Variants in AHRR observed in about 807,000 individuals in gnomAD.
AHRR encodes the protein ahR repressor.
AHRR carries 28 observed loss-of-function variants against 44.0 expected under a neutral mutation model. The observed-to-expected ratio is 0.64, with a 90% confidence interval of 0.47 to 0.87. The LOEUF (loss-of-function observed/expected upper bound fraction) is 0.87. Among genes scored for constraint, AHRR ranks in the 40% least tolerant of loss-of-function variants. AHRR has a pLI of 0.00. For synonymous variants in AHRR, 434 were observed against 407.0 expected, an observed-to-expected ratio of 1.07 and a Z score of -0.80; for missense variants, 990 against 953.9, an observed-to-expected ratio of 1.04 and a Z score of -0.50.
Position 411,514 on chromosome 5 carries a change from A to G in AHRR, c.352-1830A>G, listed in dbSNP as rs1735466659. On this transcript the variant is annotated intron_variant, in intron 4 of 10. Transcript: ENST00000684583. The surrounding 1 kb of genome is among the most constrained non-coding windows in gnomAD (Gnocchi z 4.2). ...GATACTTATAAACCCTAATAGAAAA[A>G]TTAGCACATGACATACATAGGGCAG... Among the ~76,000 whole-genome samples, 1 of 152,164 alleles carries G rather than the reference A, an allele frequency of 6.6e-6. No individual in the cohort carries two copies. The highest frequency in any genetic ancestry group is 2.1e-4 in the South Asian group (1 of 4,834).
At chr5:394,217 C>T (rs1734605116) in intron 4 of AHRR, among the ~76,000 whole-genome samples, 1 of 152,222 alleles carries the variant, frequency 6.6e-6, no homozygotes, top group African/African-American at 2.4e-5. Flanking sequence ...AGCTGCATTC[C>T]TGCTGGCGAA....
chr5:328,632 G>T (rs989856248), intron 1 of AHRR, among the ~76,000 whole-genome samples: 6 of 152,094 alleles, frequency 3.9e-5, no homozygotes, highest in African/African-American at 1.4e-4. Context: ...GATGATTAGT[G>T]ATGTGGGGTA....
chr5:356,065 G>C (rs1743032704), intron 3 of AHRR, among the ~76,000 whole-genome samples: 1 of 152,212 alleles, frequency 6.6e-6, no homozygotes. Context: ...GTTGCCTTTG[G>C]GAAGGACATG....
At position 436,546 on chromosome 5, in the gene AHRR, T is replaced by G. The variant is rs995672228; in HGVS notation, c.*1712T>G. On this transcript the variant is annotated 3_prime_UTR_variant, in exon 11 of 11. Coordinates refer to ENST00000684583, the MANE Select transcript of AHRR (RefSeq NM_001377236.1). Reference sequence around the variant, plus strand: ...AGGGATAAGGATCTCCTCTCAGTACTGGAAGAGAACAGCCAACCATCTGAG... The same window carrying G: ...AGGGATAAGGATCTCCTCTCAGTACGGGAAGAGAACAGCCAACCATCTGAG... 2.6e-5 allele frequency: 4 copies of G among 152,406 alleles called. No individual in the cohort carries two copies. The highest frequency in any genetic ancestry group is 2.0e-4 in the Admixed American group (3 of 15,290). 9.4% of individuals were successfully genotyped at this position (152,406 alleles called of 1,614,324 possible).
At chr5:420,525 T>A (rs1736028402) in intron 5 of AHRR, among the ~76,000 whole-genome samples, 1 of 152,216 alleles carries the variant, frequency 6.6e-6, no homozygotes, top group African/African-American at 2.4e-5. Context: ...AAGCCAGTCT[T>A]GAGTCCTGGC....
chr5:412,848 G>A (rs959571204), intron 4 of AHRR, among the ~76,000 whole-genome samples: 15 of 151,350 alleles, frequency 9.9e-5, no homozygotes, highest in Admixed American at 3.3e-4. Context: ...AGCCTTCCAA[G>A]TAGCTGGGAC....
chr5:428,054 C>G (rs1736549529), intron 8 of AHRR, 48 bp downstream of exon 8: 4 of 1,565,558 alleles, frequency 2.6e-6, no homozygotes, highest in African/African-American at 2.7e-5. Context: ...GCTGGCGGCC[C>G]CCACAAAACA....
chr5:345,246 A>G (rs1251055228), intron 2 of AHRR, among the ~76,000 whole-genome samples: 65 of 23,862 alleles, frequency 2.7e-3, no homozygotes, highest in Non-Finnish European at 3.0e-3. Flanking sequence ...GTGTGTGGGG[A>G]TGTGTGTGTG....
Position 436,569 on chromosome 5 carries a change from G to C in AHRR, c.*1735G>C, listed in dbSNP as rs908018927. 6.6e-6 allele frequency: 1 copy of C among 152,378 alleles called. No homozygotes were observed. Among genetic ancestry groups the C allele is most frequent in the African/African-American group, 2.4e-5 (1 of 41,430 alleles). The allele number at this position is 152,378 out of a possible 1,614,324, so 9.4% of individuals were successfully genotyped here. The stretch of plus-strand genomic sequence containing the variant: ...ACTGGAAGAGAACAGCCAACCATCT[G>C]AGCCCAGAGTCACAGATCCATCGTG... On this transcript the variant is annotated 3_prime_UTR_variant, in exon 11 of 11. Transcript: ENST00000684583.
rs1052756503 is a variant in AHRR at position 388,211 on chromosome 5, A to C, written c.351+11495A>C. Among the ~76,000 whole-genome samples, 8 of 152,178 alleles carry C rather than the reference A, an allele frequency of 5.3e-5. No individual in the cohort carries two copies. Among genetic ancestry groups the C allele is most frequent in the African/African-American group, 1.9e-4 (8 of 41,446 alleles). Reference sequence around the variant, plus strand: ...TTACCTCACAGCTCTATCGTACCAGACAGGGGAAAGCTCAGGTTGGAAGAG... The same window carrying C: ...TTACCTCACAGCTCTATCGTACCAGCCAGGGGAAAGCTCAGGTTGGAAGAG... On this transcript the variant is annotated intron_variant, in intron 4 of 10. Coordinates refer to ENST00000684583, the MANE Select transcript of AHRR (RefSeq NM_001377236.1). This position sits in a 1 kb window ranked among gnomAD's most constrained non-coding sequence, Gnocchi z 5.2.
chr5:420,956 A>T, intron 5 of AHRR: 2 of 282,698 alleles, frequency 7.1e-6, no homozygotes, highest in Non-Finnish European at 1.3e-5. Flanking sequence ...AGGCGCACAT[A>T]CGCTGGCACC....
rs1328837362 is a variant in AHRR at position 411,298 on chromosome 5, T to C, written c.352-2046T>C. 6.6e-6 allele frequency among the ~76,000 whole-genome samples: 1 copy of C among 151,964 alleles called. No homozygotes were observed. The highest frequency in any genetic ancestry group is 1.5e-5 in the Non-Finnish European group (1 of 67,996). ...TTTGATGCTGACCCTTCTGCTTGTG[T>C]GTAATTGGAGGTTTATTACACTTCC... On this transcript the variant is annotated intron_variant, in intron 4 of 10. Transcript: ENST00000684583. The surrounding 1 kb of genome is among the most constrained non-coding windows in gnomAD (Gnocchi z 4.2).
chr5:397,322 C>T (rs1455628949), intron 4 of AHRR, among the ~76,000 whole-genome samples: 1 of 134,452 alleles, frequency 7.4e-6, no homozygotes, highest in Non-Finnish European at 1.6e-5. Context: ...CCTGTTAGCC[C>T]CTGACCATCC....
intron 1 of AHRR, among the ~76,000 whole-genome samples, chr5:324,862 G>T (rs1348875164): frequency 6.6e-6 from 1 of 152,208 alleles, no homozygotes; most frequent in Non-Finnish European, 1.5e-5. Flanking sequence ...GGAGGGGGTA[G>T]GCAGGCCAGC....
intron 5 of AHRR, among the ~76,000 whole-genome samples, chr5:417,163 G>A (rs1400729446): frequency 1.3e-5 from 2 of 149,712 alleles, no homozygotes; most frequent in Admixed American, 6.6e-5. Context: ...GGAGAAGGCC[G>A]CTTGGTGTGT....
At position 411,796 on chromosome 5, in the gene AHRR, G is replaced by A. The variant is rs776388667; in HGVS notation, c.352-1548G>A. Among the ~76,000 whole-genome samples, 2 of 152,148 alleles carry A rather than the reference G, an allele frequency of 1.3e-5. No homozygotes were observed. The highest frequency in any genetic ancestry group is 6.5e-5 in the Admixed American group (1 of 15,274). On this transcript the variant is annotated intron_variant, in intron 4 of 10. Coordinates refer to ENST00000684583, the MANE Select transcript of AHRR (RefSeq NM_001377236.1). This position sits in a 1 kb window ranked among gnomAD's most constrained non-coding sequence, Gnocchi z 4.2. ...AAACATCATGGGAGTTAAAGTCTCC[G>A]AATGTCTGTGTTTTAAAGACACAAA...
Position 432,519 on chromosome 5 carries a change from C to G in AHRR, c.965C>G (p.Ser322Ter). Residue 322 changes from serine to a stop codon, truncating the protein, a stop_gained, in exon 9 of 11, where the codon TCA (serine) becomes TGA (stop). Transcript: ENST00000684583. LOFTEE classifies it high-confidence loss of function. ...ESELHGKPNY[S>*]AGRSSRESGV... ...GAACTGCATGGAAAACCCAATTACTCAGCAGGTACTTAGAACATTTCTTAT... is the reference window on the plus strand; with the variant it reads ...GAACTGCATGGAAAACCCAATTACTGAGCAGGTACTTAGAACATTTCTTAT... 6.2e-7 allele frequency: 1 copy of G among 1,613,990 alleles called. No homozygotes were observed. Among genetic ancestry groups the G allele is most frequent in the Non-Finnish European group, 8.5e-7 (1 of 1,179,846 alleles).
intron 3 of AHRR, among the ~76,000 whole-genome samples, chr5:363,011 G>A (rs80032060): frequency 0.098 from 14,971 of 152,286 alleles, 1,050 homozygotes; most frequent in Non-Finnish European, 0.13. Context: ...TTCCACTAAT[G>A]TGGCCCCACA....
chr5:367,235 C>T (rs1300661388), intron 3 of AHRR, among the ~76,000 whole-genome samples: 1 of 152,170 alleles, frequency 6.6e-6, no homozygotes, highest in Non-Finnish European at 1.5e-5. Flanking sequence ...GAGCAAGTGC[C>T]CAGGGAGGCA....
Sources: allele counts gnomAD v4.1 joint callset (sites outside exome capture counted in the v4.1 genomes callset), GRCh38; gene constraint gnomAD v4.1.1; non-coding constraint Gnocchi (gnomAD v3.1); transcripts MANE v1.5; gene names NCBI Gene and HGNC (gene_info 2026-07-23, HGNC 2026-07-21).